The following EPHB1 variants were observed in gnomAD, a reference collection of about 807,000 sequenced individuals.
EPHB1 encodes the protein EPH receptor B1.
Under a neutral mutation model 94.4 loss-of-function variants are expected in EPHB1, and 30 were observed. That is an observed-to-expected ratio of 0.32 (90% CI 0.24 to 0.43). The LOEUF is 0.43. Ranked by LOEUF, EPHB1 falls within the 20% of genes least tolerant of loss-of-function variation. The pLI is 1.00. For missense variants in EPHB1, 1,055 were observed against 1,308.3 expected (o/e 0.81, Z 2.99); for synonymous variants, 522 against 489.1 (o/e 1.07, Z -0.89).
At chr3:135,216,743 A>G (rs1311185095) in intron 12 of EPHB1, among the ~76,000 whole-genome samples, 2 of 150,860 alleles carry the variant, frequency 1.3e-5, no homozygotes, top group African/African-American at 4.9e-5. Flanking sequence ...AAAAAAAAAA[A>G]AAAAATCACC....
chr3:135,228,585 G>A (rs112369300), intron 12 of EPHB1, among the ~76,000 whole-genome samples: 9,603 of 152,046 alleles, frequency 0.063, 408 homozygotes, highest in African/African-American at 0.1. Flanking sequence ...AAAAAACAAA[G>A]CATCAATGTT....
intron 11 of EPHB1, among the ~76,000 whole-genome samples, chr3:135,198,756 C>T (rs1172459131): frequency 6.6e-6 from 1 of 152,202 alleles, no homozygotes; most frequent in Non-Finnish European, 1.5e-5. Flanking sequence ...ATACACAAGG[C>T]ACTGAGCTAG....
In EPHB1 at chr3:135,115,164, T is replaced by C. The variant is rs886470858; in HGVS notation, c.961+8561T>C. ...ATTAACGTGAAGTGCATCCATGTAA[T>C]CTACTCCCTTCTCTATTTTAAAACT... On this transcript the variant is annotated intron_variant, in intron 4 of 15. Transcript: ENST00000398015. 3.3e-5 allele frequency among the ~76,000 whole-genome samples: 5 copies of C among 152,164 alleles called. No homozygotes were observed. The South Asian group carries it at 1.0e-3, about 32-fold the overall frequency.
intron 1 of EPHB1, among the ~76,000 whole-genome samples, chr3:134,797,281 G>A (rs1310451389): frequency 6.6e-6 from 1 of 152,148 alleles, no homozygotes; most frequent in Non-Finnish European, 1.5e-5. Flanking sequence ...ACACCCTGGC[G>A]CAGGGATGCC....
At chr3:134,914,014 C>T (rs1334901337) in intron 1 of EPHB1, among the ~76,000 whole-genome samples, 1 of 152,078 alleles carries the variant, frequency 6.6e-6, no homozygotes, top group Non-Finnish European at 1.5e-5. Flanking sequence ...GAGGCTGTAC[C>T]GAGAGCCCAC....
intron 1 of EPHB1, among the ~76,000 whole-genome samples, chr3:134,826,862 G>A (rs1370241269): frequency 6.6e-6 from 1 of 152,158 alleles, no homozygotes; most frequent in Non-Finnish European, 1.5e-5. Context: ...GGTGAGCAGG[G>A]CACACAGTGT....
intron 1 of EPHB1, among the ~76,000 whole-genome samples, chr3:134,857,007 T>G (rs1171326038): frequency 6.6e-6 from 1 of 152,220 alleles, no homozygotes; most frequent in African/African-American, 2.4e-5. Context: ...AATGTATCCT[T>G]CCAGAGGCAG....
At chr3:134,885,135 T>C (rs1319469444) in intron 1 of EPHB1, among the ~76,000 whole-genome samples, 1 of 152,132 alleles carries the variant, frequency 6.6e-6, no homozygotes, top group Non-Finnish European at 1.5e-5. Flanking sequence ...AAGGTCCAAA[T>C]AGAACATCTA....
chr3:135,144,889 G>T (rs1180864815), intron 5 of EPHB1, among the ~76,000 whole-genome samples: 1 of 152,222 alleles, frequency 6.6e-6, no homozygotes. Flanking sequence ...AGGAAGATAG[G>T]AAGGGAATGT....
intron 2 of EPHB1, among the ~76,000 whole-genome samples, chr3:134,932,154 A>G (rs2038918823): frequency 6.6e-6 from 1 of 152,074 alleles, no homozygotes; most frequent in South Asian, 2.1e-4. Context: ...CTGAATGGAG[A>G]GCTTCCAGAG....
chr3:135,181,663 A>G (rs1431851489), intron 10 of EPHB1, among the ~76,000 whole-genome samples: 1 of 152,166 alleles, frequency 6.6e-6, no homozygotes. Flanking sequence ...CCCAGAGAGC[A>G]CACATCAGCC....
intron 3 of EPHB1, among the ~76,000 whole-genome samples, chr3:134,999,558 G>A (rs557322828): frequency 1.3e-5 from 2 of 152,196 alleles, no homozygotes; most frequent in East Asian, 3.9e-4. Flanking sequence ...ATTCAGGTGA[G>A]AAGGAAAGAC....
intron 10 of EPHB1, 44 bp from the exon 11 acceptor site, chr3:135,192,532 G>T: frequency 6.2e-7 from 1 of 1,600,664 alleles, no homozygotes; most frequent in South Asian, 1.1e-5. Context: ...TGAGTCCACA[G>T]ACTGAGAAGG....
At chr3:134,907,022 A>T (rs2038347103) in intron 1 of EPHB1, among the ~76,000 whole-genome samples, 1 of 152,278 alleles carries the variant, frequency 6.6e-6, no homozygotes, top group African/African-American at 2.4e-5. Context: ...TATAAAAGGC[A>T]TATATCTGAA....
intron 3 of EPHB1, among the ~76,000 whole-genome samples, chr3:134,996,340 CACA>C (rs1209944804): frequency 6.6e-6 from 1 of 152,034 alleles, no homozygotes; most frequent in Non-Finnish European, 1.5e-5. Flanking sequence ...ACTGCAGGCA[CACA>C]ACACCACACC....
intron 5 of EPHB1, among the ~76,000 whole-genome samples, chr3:135,152,050 G>T (rs1432154890): frequency 6.6e-6 from 1 of 152,184 alleles, no homozygotes; most frequent in African/African-American, 2.4e-5. Flanking sequence ...AAAGAGAATT[G>T]GATTCACTTC....
At chr3:135,129,740 G>C (rs1205074616) in intron 4 of EPHB1, among the ~76,000 whole-genome samples, 5 of 152,218 alleles carry the variant, frequency 3.3e-5, no homozygotes, top group Non-Finnish European at 5.9e-5. Context: ...GATCATGACT[G>C]CTGGGCCTCA....
intron 11 of EPHB1, 65 bp from the exon 12 acceptor site, chr3:135,201,409 A>G: frequency 1.3e-6 from 2 of 1,542,298 alleles, no homozygotes; most frequent in Non-Finnish European, 8.9e-7. Flanking sequence ...GGGCCACAAC[A>G]TCTCTCCCTC....
intron 3 of EPHB1, among the ~76,000 whole-genome samples, chr3:135,066,340 C>T (rs1937580125): frequency 6.6e-6 from 1 of 152,198 alleles, no homozygotes; most frequent in African/African-American, 2.4e-5. Context: ...ACCAATTATT[C>T]TCAGGTTTTG....
Sources: allele counts gnomAD v4.1 joint callset (sites outside exome capture counted in the v4.1 genomes callset), GRCh38; gene constraint gnomAD v4.1.1; transcripts MANE v1.5; gene names NCBI Gene and HGNC (gene_info 2026-07-23, HGNC 2026-07-21).